The following GPALPP1 variants were observed in gnomAD, a reference collection of about 807,000 sequenced individuals.
GPALPP1 encodes the protein GPALPP motifs-containing protein 1.
GPALPP1 carries 30 observed loss-of-function variants against 38.9 expected under a neutral mutation model. That is an observed-to-expected ratio of 0.77 (90% CI 0.58 to 1.05). The LOEUF is 1.05. GPALPP1 is among the 50% of genes least tolerant of loss of function. GPALPP1 has a pLI of 0.00. For synonymous variants in GPALPP1, 120 were observed against 139.2 expected (o/e 0.86, Z 0.97); for missense variants, 384 against 408.8 (o/e 0.94, Z 0.52).
intron 7 of GPALPP1, among the ~76,000 whole-genome samples, chr13:45,024,851 A>G (rs1875725570): frequency 1.3e-5 from 2 of 152,056 alleles, no homozygotes; most frequent in Admixed American, 6.5e-5. Context: ...ACTTGAACTC[A>G]GGAGGCTTGC....
chr13:45,017,923 T>C (rs1874988725), intron 6 of GPALPP1, among the ~76,000 whole-genome samples: 2 of 152,326 alleles, frequency 1.3e-5, no homozygotes, highest in East Asian at 1.9e-4. Flanking sequence ...CACAGAGCTA[T>C]TCATTTTCTG....
rs1033488412 is a variant in GPALPP1, at chr13:45,009,009, C to G, written c.408+130C>G. On this transcript the variant is annotated intron_variant, in intron 4 of 7. Coordinates refer to ENST00000379151, the MANE Select transcript of GPALPP1 (RefSeq NM_018559.5). ...CTGGACTCAACTGTAATGTAAGACT[C>G]AGTTATATTCAGATTAATTTAAGAT... The G allele has an allele frequency of 4.2e-6, 3 of 710,712 alleles. 1 individual carries two copies. The South Asian group carries it at 4.5e-5, about 11-fold the overall frequency. The allele number at this position is 710,712 out of a possible 1,614,324, so 44.0% of individuals were successfully genotyped here. A position where few individuals can be genotyped will look rare whatever the true frequency, so the allele number is the denominator to read the frequency against.
At chr13:45,004,680 C>T (rs1873947979) in intron 2 of GPALPP1, among the ~76,000 whole-genome samples, 2 of 152,164 alleles carry the variant, frequency 1.3e-5, no homozygotes, top group Admixed American at 1.3e-4. Context: ...CAGGGGCTCA[C>T]TCTGGCGCAC....
At chr13:45,027,379 A>C (rs972064955) in intron 7 of GPALPP1, among the ~76,000 whole-genome samples, 1 of 152,236 alleles carries the variant, frequency 6.6e-6, no homozygotes, top group African/African-American at 2.4e-5. Context: ...CTTATGGAAC[A>C]TGCCAACATA....
chr13:45,004,228 G>C (rs1322541967), intron 1 of GPALPP1, 77 bp from the exon 2 acceptor site: 8 of 1,183,976 alleles, frequency 6.8e-6, no homozygotes, highest in Non-Finnish European at 9.7e-6. Context: ...TTTCAGAAAA[G>C]AAAGTGAAAA....
intron 7 of GPALPP1, among the ~76,000 whole-genome samples, chr13:45,023,099 A>C (rs1407486389): frequency 6.6e-6 from 1 of 151,412 alleles, no homozygotes; most frequent in Non-Finnish European, 1.5e-5. Context: ...TATTGTTAGA[A>C]AATGCAAACA....
downstream of GPALPP1, chr13:45,034,758 A>T (rs1876347882): frequency 7.4e-6 from 1 of 134,766 alleles, no homozygotes. Context: ...TTTTTTTGAG[A>T]CAGAGTCTCC....
chr13:45,020,018 G>A (rs903223463), intron 6 of GPALPP1, among the ~76,000 whole-genome samples: 22 of 150,382 alleles, frequency 1.5e-4, no homozygotes, highest in Non-Finnish European at 1.6e-4. Context: ...CCCAGTAGCT[G>A]GGATTACAGG....
At chr13:44,994,217 CAAAAAAAA>C (rs1165851530) in intron 1 of GPALPP1, among the ~76,000 whole-genome samples, 6 of 61,494 alleles carry the variant, frequency 9.8e-5, no homozygotes, top group East Asian at 5.0e-4. Flanking sequence ...GACCCTGTCT[CAAAAAAAA>C]AAAAAAAAAA....
intron 1 of GPALPP1, among the ~76,000 whole-genome samples, chr13:44,996,967 T>C (rs1373220925): frequency 1.3e-5 from 2 of 152,066 alleles, no homozygotes; most frequent in African/African-American, 4.8e-5. Flanking sequence ...ACAGAAACTC[T>C]GTACTCACTA....
chr13:45,008,903 T>C, intron 4 of GPALPP1, 24 bp downstream of exon 4: 2 of 1,353,154 alleles, frequency 1.5e-6, no homozygotes, highest in Non-Finnish European at 2.1e-6. Context: ...ATTTCAACTC[T>C]AAGGTTTGGA....
intron 1 of GPALPP1, among the ~76,000 whole-genome samples, chr13:44,993,451 A>G (rs976277984): frequency 1.3e-5 from 2 of 152,160 alleles, no homozygotes; most frequent in African/African-American, 4.8e-5. Flanking sequence ...AGCCTGGCCA[A>G]CATGGTGAAA....
chr13:45,013,073 G>A (rs1015641010), intron 4 of GPALPP1, among the ~76,000 whole-genome samples: 6 of 152,162 alleles, frequency 3.9e-5, no homozygotes, highest in African/African-American at 1.2e-4. Flanking sequence ...ACTTGGTGAT[G>A]TATGTTCTGT....
intron 7 of GPALPP1, among the ~76,000 whole-genome samples, chr13:45,026,839 G>A (rs548609471): frequency 1.5e-4 from 23 of 152,210 alleles, no homozygotes; most frequent in African/African-American, 3.1e-4. Flanking sequence ...CAATCATACC[G>A]GTATTTTAGG....
At chr13:45,022,463 G>T (rs2138009543) in intron 7 of GPALPP1, among the ~76,000 whole-genome samples, 1 of 152,038 alleles carries the variant, frequency 6.6e-6, no homozygotes, top group East Asian at 1.9e-4. Context: ...GAACTCAAAT[G>T]CATGCTTAGG....
intron 4 of GPALPP1, among the ~76,000 whole-genome samples, chr13:45,012,060 ACAG>A (rs1253965453): frequency 6.6e-6 from 1 of 152,208 alleles, no homozygotes; most frequent in Non-Finnish European, 1.5e-5. Flanking sequence ...ACAGGTTTAC[ACAG>A]CAGGGGACTA....
chr13:45,011,827 T>TC (rs1366237915), intron 4 of GPALPP1, among the ~76,000 whole-genome samples: 1 of 152,130 alleles, frequency 6.6e-6, no homozygotes, highest in African/African-American at 2.4e-5. Flanking sequence ...GTACGAGGAC[T>TC]CCTTTCTAAC....
At chr13:44,992,997 C>T (rs1023078144) in intron 1 of GPALPP1, among the ~76,000 whole-genome samples, 1 of 152,162 alleles carries the variant, frequency 6.6e-6, no homozygotes, top group Non-Finnish European at 1.5e-5. Context: ...CTTTCTTTTT[C>T]TGTTAATTGG....
Position 45,015,037 on chromosome 13 carries a change from A to T in GPALPP1, c.494A>T (p.Glu165Val). 6.2e-7 allele frequency: 1 copy of T among 1,608,732 alleles called. No individual in the cohort carries two copies. Among genetic ancestry groups the T allele is most frequent in the Non-Finnish European group, 8.5e-7 (1 of 1,175,930 alleles). Residue 165 changes from glutamate to valine, a missense_variant, in exon 5 of 8, where the codon GAA becomes GTA. Transcript: ENST00000379151. The stretch of plus-strand genomic sequence containing the variant: ...AACTATAATGTAACGACAGAGTTTG[A>T]AAAAAGGGCCCAGAGAATGAAAGAA... Reference protein sequence around the residue: ...PVNYNVTTEFEKRAQRMKEKL... With the variant: ...PVNYNVTTEFVKRAQRMKEKL...
Sources: allele counts gnomAD v4.1 joint callset (sites outside exome capture counted in the v4.1 genomes callset), GRCh38; gene constraint gnomAD v4.1.1; transcripts MANE v1.5; gene names NCBI Gene and HGNC (gene_info 2026-07-23, HGNC 2026-07-21).